LRRC7: variants seen among roughly 807,000 people sequenced by gnomAD.
The protein encoded by LRRC7 is leucine-rich repeat-containing protein 7.
Under a neutral mutation model 175.7 loss-of-function variants are expected in LRRC7, and 23 were observed. The ratio of observed to expected loss-of-function variants is 0.13; its 90% CI spans 0.09 to 0.19. The LOEUF (loss-of-function observed/expected upper bound fraction) is 0.19. Among genes scored for constraint, LRRC7 ranks in the 10% least tolerant of loss-of-function variants. The pLI is 1.00. For synonymous variants in LRRC7, 685 were observed against 680.9 expected (o/e 1.01, Z -0.09); for missense variants, 1,354 against 1,904.7 (o/e 0.71, Z 5.38).
chr1:69,834,353 G>T (rs1392988650), intron 5 of LRRC7, among the ~76,000 whole-genome samples: 1 of 152,108 alleles, frequency 6.6e-6, no homozygotes, highest in Non-Finnish European at 1.5e-5. Context: ...GACAAATTTT[G>T]ATGATTAAGT....
chr1:70,066,739 T>C (rs1191159528), intron 23 of LRRC7, among the ~76,000 whole-genome samples: 2 of 152,076 alleles, frequency 1.3e-5, no homozygotes, highest in Non-Finnish European at 2.9e-5. Flanking sequence ...GTCTCTGGGA[T>C]GAATGTCCAG....
intron 1 of LRRC7, among the ~76,000 whole-genome samples, chr1:69,670,035 C>T (rs771685422): frequency 3.3e-5 from 5 of 152,122 alleles, no homozygotes; most frequent in Non-Finnish European, 7.4e-5. Flanking sequence ...TTTGAATTAT[C>T]TGTCTAAAGG....
At chr1:69,883,109 A>T (rs2101618457) in intron 7 of LRRC7, among the ~76,000 whole-genome samples, 1 of 152,214 alleles carries the variant, frequency 6.6e-6, no homozygotes, top group East Asian at 1.9e-4. Context: ...CATGATTTAT[A>T]TTCCTTTGGG....
chr1:69,814,745 G>A (rs1678381808), intron 4 of LRRC7, among the ~76,000 whole-genome samples: 1 of 152,026 alleles, frequency 6.6e-6, no homozygotes, highest in African/African-American at 2.4e-5. Context: ...TAATATACAT[G>A]GTGAAGAGCC....
At chr1:70,050,990 A>T (rs973218404) in intron 22 of LRRC7, among the ~76,000 whole-genome samples, 1 of 151,952 alleles carries the variant, frequency 6.6e-6, no homozygotes, top group Non-Finnish European at 1.5e-5. Flanking sequence ...CTGCATGTTT[A>T]TGTTCCTTTT....
Position 69,577,041 on chromosome 1 carries a change from C to T in LRRC7, c.2+8400C>T, listed in dbSNP as rs533656517. Among the ~76,000 whole-genome samples, 8 of 152,238 alleles carry T rather than the reference C, an allele frequency of 5.3e-5. No individual in the cohort carries two copies. In the South Asian group the frequency reaches 8.3e-4, roughly 16 times the overall value. ...TTTACTCGCTTTTTCTGCCTCGTCTCGTCATATCTAAGATTTGCTTCCTGC... is the reference window on the plus strand; with the variant it reads ...TTTACTCGCTTTTTCTGCCTCGTCTTGTCATATCTAAGATTTGCTTCCTGC... On this transcript the variant is annotated intron_variant, in intron 1 of 26. Transcript: ENST00000651989.
At chr1:70,104,522 A>G (rs1665013867) in intron 25 of LRRC7, among the ~76,000 whole-genome samples, 1 of 152,218 alleles carries the variant, frequency 6.6e-6, no homozygotes, top group East Asian at 1.9e-4. Context: ...ATGTGGCAGT[A>G]TGCTGGCTGA....
intron 2 of LRRC7, among the ~76,000 whole-genome samples, chr1:69,713,265 C>A (rs1664984372): frequency 6.6e-6 from 1 of 152,004 alleles, no homozygotes; most frequent in Admixed American, 6.6e-5. Flanking sequence ...GCAGGAGGCT[C>A]ACTTGAGCCT....
rs1224964998 is a variant in LRRC7, at chr1:69,740,259, T to G, written c.101-19932T>G. 2.6e-5 allele frequency among the ~76,000 whole-genome samples: 4 copies of G among 152,124 alleles called. No homozygotes were observed. The East Asian group carries it at 7.8e-4, about 30-fold the overall frequency. ...AGAACAACGTGCTAGCAGAGTTAAT[T>G]TATTCTGAAGCCTCTTTCCATGGTT... On this transcript the variant is annotated intron_variant, in intron 2 of 26. Coordinates refer to ENST00000651989, the MANE Select transcript of LRRC7 (RefSeq NM_001370785.2).
At chr1:70,113,788 G>C (rs563550841) in intron 26 of LRRC7, among the ~76,000 whole-genome samples, 1 of 151,344 alleles carries the variant, frequency 6.6e-6, no homozygotes, top group South Asian at 2.1e-4. Flanking sequence ...TCTATCCCTT[G>C]TTTCAGGACT....
intron 2 of LRRC7, among the ~76,000 whole-genome samples, chr1:69,751,742 CT>C (rs1669868441): frequency 6.6e-6 from 1 of 152,084 alleles, no homozygotes; most frequent in Admixed American, 6.6e-5. Context: ...ACGAAAATTC[CT>C]GTGAAGACCA....
intron 4 of LRRC7, among the ~76,000 whole-genome samples, chr1:69,793,646 A>G (rs1381471044): frequency 1.3e-5 from 2 of 151,016 alleles, no homozygotes; most frequent in South Asian, 4.2e-4. Flanking sequence ...TTTTTTTCTT[A>G]TATGAAAAAC....
At chr1:69,625,706 ATTGTTG>A (rs1475411956) in intron 1 of LRRC7, among the ~76,000 whole-genome samples, 2 of 152,098 alleles carry the variant, frequency 1.3e-5, no homozygotes, top group African/African-American at 4.8e-5. Context: ...CATTTCCATT[ATTGTTG>A]TTTCAAAAAT....
At chr1:69,828,240 G>T (rs1443865592) in intron 5 of LRRC7, among the ~76,000 whole-genome samples, 4 of 152,094 alleles carry the variant, frequency 2.6e-5, no homozygotes, top group Non-Finnish European at 5.9e-5. Flanking sequence ...TACAAACTAT[G>T]CACAAGTGTT....
intron 23 of LRRC7, among the ~76,000 whole-genome samples, chr1:70,070,114 C>T (rs965495642): frequency 6.6e-6 from 1 of 152,154 alleles, no homozygotes; most frequent in South Asian, 2.1e-4. Context: ...CCACCTCAGC[C>T]TCCCGAGTAA....
At chr1:69,794,186 C>G (rs1202623882) in intron 4 of LRRC7, among the ~76,000 whole-genome samples, 3 of 152,026 alleles carry the variant, frequency 2.0e-5, no homozygotes, top group Non-Finnish European at 2.9e-5. Context: ...AGAACATAAA[C>G]AGGGGACACG....
At chr1:69,981,548 T>C (rs907749604) in intron 9 of LRRC7, among the ~76,000 whole-genome samples, 34 of 152,286 alleles carry the variant, frequency 2.2e-4, no homozygotes, top group Admixed American at 2.2e-3. Context: ...AATCAGAAAC[T>C]ATGCTAATGT....
chr1:69,587,484 A>G (rs1269338172), intron 1 of LRRC7, among the ~76,000 whole-genome samples: 1 of 152,138 alleles, frequency 6.6e-6, no homozygotes, highest in African/African-American at 2.4e-5. Context: ...ACTTCTCCTG[A>G]TTAAACCATC....
rs1210462063 is a variant in LRRC7, at chr1:70,140,178, T to C, written c.*18291T>C. ...AAATTGTTACATCAGGCTGCTTTTA[T>C]CAAGCTAAGCATGGGCATGCCTTTC... On this transcript the variant is annotated 3_prime_UTR_variant, in exon 27 of 27. Transcript: ENST00000651989. 6.6e-6 allele frequency: 1 copy of C among 152,158 alleles called. No homozygotes were observed. The highest frequency in any genetic ancestry group is 2.4e-5 in the African/African-American group (1 of 41,454). The allele number at this position is 152,158 out of a possible 1,614,324, so 9.4% of individuals were successfully genotyped here.
Sources: gnomAD v4.1 joint callset for allele counts (sites outside exome capture counted in the v4.1 genomes callset) on GRCh38, gnomAD v4.1.1 for gene constraint, MANE v1.5 for transcripts, NCBI Gene and HGNC (gene_info 2026-07-23, HGNC 2026-07-21) for gene names.